Variants in SHROOM2 observed in about 807,000 individuals in gnomAD.
SHROOM2 encodes shroom family member 2.
In SHROOM2, 33 loss-of-function variants were observed where a neutral mutation model predicts 75.9. That is an observed-to-expected ratio of 0.43 (90% CI 0.33 to 0.58). The LOEUF is 0.58. Ranked by LOEUF, SHROOM2 falls within the 20% of genes least tolerant of loss-of-function variation. SHROOM2 has a pLI of 0.04. For missense variants in SHROOM2, 1,434 were observed against 1,461.2 expected, an observed-to-expected ratio of 0.98 and a Z score of 0.30; for synonymous variants, 655 against 663.6, an observed-to-expected ratio of 0.99 and a Z score of 0.20.
chrX:9,935,154 G>A (rs978243443), intron 6 of SHROOM2, among the ~76,000 whole-genome samples: 1 of 110,519 alleles, frequency 9.0e-6, no homozygotes, highest in Non-Finnish European at 1.9e-5. Flanking sequence ...TCAAATTTCT[G>A]CACAAAAGGG....
rs1249391436 is a variant in SHROOM2, at chrX:9,787,915, G to A, written c.165+1205G>A. Among the ~76,000 whole-genome samples, 3 of 110,023 alleles carry A rather than the reference G, an allele frequency of 2.7e-5. No individual in the cohort carries two copies. In the East Asian group the frequency reaches 8.5e-4, roughly 31 times the overall value. On this transcript the variant is annotated intron_variant, in intron 1 of 9. Coordinates refer to ENST00000380913, the MANE Select transcript of SHROOM2 (RefSeq NM_001649.4). ...TGGAAACATGGTGGACAGTCATAAA[G>A]TGTGTATACTCTGCCCAGCCAGAAC...
intron 1 of SHROOM2, among the ~76,000 whole-genome samples, chrX:9,791,068 T>C (rs1291005861): frequency 2.7e-5 from 3 of 111,040 alleles, no homozygotes; most frequent in Middle Eastern, 4.6e-3. Flanking sequence ...CTCACTTCTG[T>C]ACCAGGATGC....
At chrX:9,843,085 A>G (rs1171903973) in intron 1 of SHROOM2, among the ~76,000 whole-genome samples, 3 of 112,012 alleles carry the variant, frequency 2.7e-5, no homozygotes, top group Non-Finnish European at 5.6e-5. Context: ...TGCACACAGT[A>G]CAAAGTTGTT....
At chrX:9,834,181 G>A (rs902126520) in intron 1 of SHROOM2, among the ~76,000 whole-genome samples, 18 of 112,118 alleles carry the variant, frequency 1.6e-4, no homozygotes, top group African/African-American at 5.2e-4. Flanking sequence ...CAGTGTGGTG[G>A]TGGTGCTGAG....
intron 1 of SHROOM2, among the ~76,000 whole-genome samples, chrX:9,842,560 C>T (rs1278397101): frequency 1.8e-5 from 2 of 112,453 alleles, no homozygotes; most frequent in Non-Finnish European, 3.8e-5. Flanking sequence ...GTGCCTCCCT[C>T]CTTTCTGTCC....
intron 1 of SHROOM2, among the ~76,000 whole-genome samples, chrX:9,790,077 C>T (rs1316900490): frequency 1.8e-5 from 2 of 112,204 alleles, no homozygotes; most frequent in South Asian, 3.7e-4. Flanking sequence ...ATGCCAAAGA[C>T]GGAATCAGGG....
intron 1 of SHROOM2, among the ~76,000 whole-genome samples, chrX:9,832,252 C>T (rs1198840218): frequency 1.8e-5 from 2 of 111,920 alleles, no homozygotes; most frequent in African/African-American, 3.3e-5. Context: ...CACAGTGGGG[C>T]TTGGCCAGGG....
Position 9,932,802 on chromosome X carries a change from GC to G in SHROOM2, c.3523del (p.Gln1175SerfsTer7). 8.3e-7 allele frequency: 1 copy of G among 1,205,829 alleles called. No homozygotes were observed. On this transcript the variant is annotated frameshift_variant, in exon 6 of 10. Transcript: ENST00000380913. LOFTEE classifies it high-confidence loss of function. ...CCATGGAGACCTCGCGCTCCCCCTC[GC>G]CCCAGTTCGCCCCCCAGAAACTGAC... The part of the protein sequence containing the change: ...ATMETSRSPS[P>X]QFAPQKLTDK...
intron 5 of SHROOM2, among the ~76,000 whole-genome samples, chrX:9,922,338 C>T (rs910406162): frequency 8.9e-6 from 1 of 111,903 alleles, no homozygotes; most frequent in Non-Finnish European, 1.9e-5. Context: ...GGACTCCAGG[C>T]ATGAGCCACT....
At chrX:9,936,581 ATATGGCACAGGAGGTTCTCCCAAGT>A (rs2084709452) in intron 6 of SHROOM2, among the ~76,000 whole-genome samples, 1 of 111,568 alleles carries the variant, frequency 9.0e-6, no homozygotes, top group Admixed American at 9.5e-5. Flanking sequence ...GCTGTCCTGC[ATATGGCACAGGAGGTTCTCCCAAGT>A]GGGGTGGTGG....
rs192482335 is a variant in SHROOM2, at chrX:9,862,949, G to A, written c.166-10703G>A. On this transcript the variant is annotated intron_variant, in intron 1 of 9. Transcript: ENST00000380913. ...CCATCTCTTAGGTGGATCTCGGCCTGTGCTCTGTGAAATTCAGGGCTGACA... is the reference window on the plus strand; with the variant it reads ...CCATCTCTTAGGTGGATCTCGGCCTATGCTCTGTGAAATTCAGGGCTGACA... Among the ~76,000 whole-genome samples, 751 of 111,684 alleles carry A rather than the reference G, an allele frequency of 6.7e-3. 4 individuals carry two copies. Among genetic ancestry groups the A allele is most frequent in the African/African-American group, 0.022 (677 of 30,657 alleles).
Position 9,787,511 on chromosome X carries a change from A to C in SHROOM2, c.165+801A>C, listed in dbSNP as rs887817268. 8.9e-5 allele frequency among the ~76,000 whole-genome samples: 10 copies of C among 112,315 alleles called. No homozygotes were observed. In the Admixed American group the frequency reaches 9.5e-4, roughly 11 times the overall value. Reference sequence around the variant, plus strand: ...GTGTGTAGTGGTCATTTTCTCTGGGAAGGGTTGAGTCGGACCTTTCGTGTG... The same window carrying C: ...GTGTGTAGTGGTCATTTTCTCTGGGCAGGGTTGAGTCGGACCTTTCGTGTG... On this transcript the variant is annotated intron_variant, in intron 1 of 9. Coordinates refer to ENST00000380913, the MANE Select transcript of SHROOM2 (RefSeq NM_001649.4).
intron 6 of SHROOM2, among the ~76,000 whole-genome samples, chrX:9,933,438 A>G (rs2084670997): frequency 9.0e-6 from 1 of 111,560 alleles, no homozygotes; most frequent in Non-Finnish European, 1.9e-5. Context: ...TATTGCGTCC[A>G]TTGAGATGCT....
In SHROOM2 at chrX:9,867,867, C is replaced by T. The variant is rs147551461; in HGVS notation, c.166-5785C>T. 3.4e-3 allele frequency among the ~76,000 whole-genome samples: 376 copies of T among 111,647 alleles called. 5 individuals are homozygous for T. Among genetic ancestry groups the T allele is most frequent in the African/African-American group, 0.012 (359 of 30,749 alleles). On this transcript the variant is annotated intron_variant, in intron 1 of 9. Transcript: ENST00000380913. ...GAAGGCTGATGGATGTTGTGGAATGCGTCCTTCATATCTAGAGGGGAAGCT... is the reference window on the plus strand; with the variant it reads ...GAAGGCTGATGGATGTTGTGGAATGTGTCCTTCATATCTAGAGGGGAAGCT...
At chrX:9,838,073 T>C (rs2083957639) in intron 1 of SHROOM2, among the ~76,000 whole-genome samples, 1 of 100,187 alleles carries the variant, frequency 1.0e-5, no homozygotes, top group Admixed American at 1.1e-4. Context: ...TTTTTTTTTT[T>C]TTTTTGAGAC....
intron 1 of SHROOM2, among the ~76,000 whole-genome samples, chrX:9,856,659 C>T (rs2084071933): frequency 8.9e-6 from 1 of 111,781 alleles, no homozygotes; most frequent in Non-Finnish European, 1.9e-5. Context: ...CCCTGGGATG[C>T]AGCGCCGGGG....
intron 1 of SHROOM2, among the ~76,000 whole-genome samples, chrX:9,848,335 T>A (rs1170509544): frequency 1.0e-5 from 1 of 99,956 alleles, no homozygotes; most frequent in African/African-American, 3.7e-5. Flanking sequence ...AAACCCCGTC[T>A]CTACTAAAAA....
At chrX:9,870,699 T>C (rs1307380500) in intron 1 of SHROOM2, among the ~76,000 whole-genome samples, 4 of 112,362 alleles carry the variant, frequency 3.6e-5, no homozygotes, top group Non-Finnish European at 7.5e-5. Flanking sequence ...AAATTGGATG[T>C]TTACATTGTC....
chrX:9,852,591 G>A (rs1289265352), intron 1 of SHROOM2, among the ~76,000 whole-genome samples: 12 of 112,417 alleles, frequency 1.1e-4, no homozygotes, highest in African/African-American at 3.9e-4. Context: ...CCGTCAAGAC[G>A]CAAGACATTT....
Sources: allele counts gnomAD v4.1 joint callset (sites outside exome capture counted in the v4.1 genomes callset), GRCh38; gene constraint gnomAD v4.1.1; transcripts MANE v1.5; gene names NCBI Gene and HGNC (gene_info 2026-07-23, HGNC 2026-07-21).